IGSF10: variants seen among roughly 807,000 people sequenced by gnomAD.
IGSF10 encodes the protein calvaria mechanical force protein 608.
A neutral mutation model predicts 128.2 loss-of-function variants in IGSF10; 126 were observed. The ratio of observed to expected loss-of-function variants is 0.98; its 90% CI spans 0.85 to 1.14. IGSF10 has a LOEUF of 1.14. IGSF10 is among the 50% of genes most tolerant of loss of function. The probability of loss-of-function intolerance (pLI) is 0.00; values close to 1 mark genes in which losing one functional copy is unlikely to be tolerated. For synonymous variants in IGSF10, 1,185 were observed against 1,146.2 expected (o/e 1.03, Z -0.68); for missense variants, 3,295 against 3,149.8 (o/e 1.05, Z -1.10).
chr3:151,529,538 G>C, the IGSF10 span, among the ~76,000 whole-genome samples: 2 of 152,192 alleles, frequency 1.3e-5, no homozygotes, highest in Non-Finnish European at 2.9e-5. Flanking sequence ...CTGTTCTGCA[G>C]CCTCTGCCGG....
chr3:151,597,166 GTTCGAC>G, the IGSF10 span, among the ~76,000 whole-genome samples: 1 of 152,190 alleles, frequency 6.6e-6, no homozygotes, highest in African/African-American at 2.4e-5. Context: ...CTCTACAAGT[GTTCGAC>G]AGTATTTCAG....
At chr3:151,604,397 A>G in the IGSF10 span, among the ~76,000 whole-genome samples, 27 of 152,202 alleles carry the variant, frequency 1.8e-4, no homozygotes, top group East Asian at 4.8e-3. Flanking sequence ...CAATATATTT[A>G]CATATGTAAA....
the IGSF10 span, among the ~76,000 whole-genome samples, chr3:151,508,816 C>T: frequency 6.6e-6 from 1 of 151,988 alleles, no homozygotes; most frequent in African/African-American, 2.4e-5. Context: ...TAATGTTTAA[C>T]CTTCTTCAGG....
chr3:151,614,438 T>C, the IGSF10 span, among the ~76,000 whole-genome samples: 1 of 152,156 alleles, frequency 6.6e-6, no homozygotes, highest in Non-Finnish European at 1.5e-5. Flanking sequence ...CCAACAACGA[T>C]AGACTGGATT....
the IGSF10 span, among the ~76,000 whole-genome samples, chr3:151,618,868 T>A: frequency 6.6e-6 from 1 of 151,222 alleles, no homozygotes; most frequent in Non-Finnish European, 1.5e-5. Flanking sequence ...AGAGCAGGCT[T>A]TTTTTCATAT....
At chr3:151,590,368 A>G in the IGSF10 span, among the ~76,000 whole-genome samples, 267 of 152,312 alleles carry the variant, frequency 1.8e-3, no homozygotes, top group East Asian at 0.043. Flanking sequence ...AAAAATGAAA[A>G]CAAGAAAAGA....
the IGSF10 span, among the ~76,000 whole-genome samples, chr3:151,551,247 G>A: frequency 6.6e-6 from 1 of 152,142 alleles, no homozygotes; most frequent in African/African-American, 2.4e-5. Context: ...CTTTCAATGA[G>A]TTCAGTGGTT....
chr3:151,579,090 A>G, the IGSF10 span, among the ~76,000 whole-genome samples: 1 of 152,216 alleles, frequency 6.6e-6, no homozygotes, highest in African/African-American at 2.4e-5. Flanking sequence ...AACATTAAAA[A>G]CATTCTCCGA....
At chr3:151,492,104 C>T in the IGSF10 span, among the ~76,000 whole-genome samples, 1 of 152,124 alleles carries the variant, frequency 6.6e-6, no homozygotes, top group Admixed American at 6.5e-5. Context: ...TTGCAAATCA[C>T]ATATATGATA....
chr3:151,569,215 G>A, the IGSF10 span, among the ~76,000 whole-genome samples: 1 of 152,142 alleles, frequency 6.6e-6, no homozygotes, highest in African/African-American at 2.4e-5. Flanking sequence ...GGGATTACAG[G>A]TATGCGCTAC....
intron 7 of IGSF10, among the ~76,000 whole-genome samples, chr3:151,441,041 G>T (rs1238479663): frequency 6.6e-6 from 1 of 152,122 alleles, no homozygotes; most frequent in Non-Finnish European, 1.5e-5. Flanking sequence ...AAATCACCTG[G>T]AGGGCTTTTA....
the IGSF10 span, among the ~76,000 whole-genome samples, chr3:151,565,119 A>C: frequency 6.6e-6 from 1 of 152,150 alleles, no homozygotes; most frequent in Non-Finnish European, 1.5e-5. Flanking sequence ...ACTCTGAAAG[A>C]ACTCTCTAGT....
the IGSF10 span, among the ~76,000 whole-genome samples, chr3:151,594,247 T>G: frequency 6.6e-6 from 1 of 152,050 alleles, no homozygotes; most frequent in East Asian, 1.9e-4. Flanking sequence ...TGGGAGATAC[T>G]GTCTGTGAAT....
chr3:151,498,802 A>C, the IGSF10 span, among the ~76,000 whole-genome samples: 1 of 152,120 alleles, frequency 6.6e-6, no homozygotes, highest in East Asian at 1.9e-4. Flanking sequence ...CCTCATTGTT[A>C]ACAACTTTGC....
chr3:151,606,462 A>G, the IGSF10 span, among the ~76,000 whole-genome samples: 900 of 152,262 alleles, frequency 5.9e-3, 11 homozygotes, highest in African/African-American at 0.021. Flanking sequence ...ACTCTCCCCA[A>G]TGGTAACATA....
At chr3:151,477,071 C>A in the IGSF10 span, among the ~76,000 whole-genome samples, 202 of 152,294 alleles carry the variant, frequency 1.3e-3, no homozygotes, top group Middle Eastern at 3.4e-3. Flanking sequence ...GTTGTACTAA[C>A]GTTGGTTGTA....
the IGSF10 span, among the ~76,000 whole-genome samples, chr3:151,501,425 A>T: frequency 6.8e-6 from 1 of 146,954 alleles, no homozygotes; most frequent in African/African-American, 2.5e-5. Flanking sequence ...AATATATTGA[A>T]AATAATGTAC....
At chr3:151,497,290 A>C in the IGSF10 span, among the ~76,000 whole-genome samples, 5,123 of 152,216 alleles carry the variant, frequency 0.034, 181 homozygotes, top group African/African-American at 0.091. Context: ...GTTTTCTTCT[A>C]GGGTTTTTAT....
chr3:151,567,599 T>C, the IGSF10 span, among the ~76,000 whole-genome samples: 1 of 152,250 alleles, frequency 6.6e-6, no homozygotes, highest in African/African-American at 2.4e-5. Context: ...GTCTCTTTTA[T>C]ATGCAAACTA....
Sources: gnomAD v4.1 joint callset for allele counts (sites outside exome capture counted in the v4.1 genomes callset) on GRCh38, gnomAD v4.1.1 for gene constraint, MANE v1.5 for transcripts, NCBI Gene and HGNC (gene_info 2026-07-23, HGNC 2026-07-21) for gene names.